ABCC10: variants seen among roughly 807,000 people sequenced by gnomAD.
ABCC10 encodes the protein ATP-binding cassette sub-family C member 10.
A neutral mutation model predicts 143.2 loss-of-function variants in ABCC10; 110 were observed. The observed-to-expected ratio is 0.77, with a 90% CI of 0.66 to 0.90. The LOEUF (loss-of-function observed/expected upper bound fraction) is 0.90. Among genes scored for constraint, ABCC10 ranks in the 40% least tolerant of loss-of-function variants. The probability of loss-of-function intolerance (pLI) is 0.00; values close to 1 mark genes in which losing one functional copy is unlikely to be tolerated. For missense variants in ABCC10, 1,700 were observed against 1,900.5 expected, an observed-to-expected ratio of 0.89 and a Z score of 1.96; for synonymous variants, 805 against 846.7, an observed-to-expected ratio of 0.95 and a Z score of 0.85.
chr6:43,434,502 C>T, intron 3 of ABCC10, 119 bp from the exon 4 acceptor site: 2 of 895,716 alleles, frequency 2.2e-6, no homozygotes, highest in East Asian at 2.4e-5. Flanking sequence ...TAGGGCAGTG[C>T]AGAGTATCTG....
At chr6:43,447,446 A>G in intron 17 of ABCC10, 38 bp downstream of exon 17, 5 of 1,602,662 alleles carry the variant, frequency 3.1e-6, no homozygotes, top group Non-Finnish European at 4.3e-6. Flanking sequence ...AAGCTCTGGA[A>G]CCCTGAAGGC....
Position 43,447,888 on chromosome 6 carries a change from G to A in ABCC10, c.3910G>A (p.Val1304Met), listed in dbSNP as rs772520536. Residue 1304 changes from valine (V) to methionine (M), a missense_variant, in exon 18 of 22, where the codon GTG (valine) becomes ATG (methionine). By Grantham distance (21) the Val-to-Met change is conservative. Coordinates refer to ENST00000372530, the MANE Select transcript of ABCC10 (RefSeq NM_001198934.2). ...GCTGCTAGAGCCCAGTTCAGGGCGA[G>A]TGCTGCTGGACGGCGTGGACACCAG... ...FRLLEPSSGR[V>M]LLDGVDTSQL... is the part of the protein sequence containing the mutation. The A allele has an allele frequency of 1.9e-6, 3 of 1,613,842 alleles. No individual in the cohort carries two copies. In the African/African-American group the frequency reaches 4.0e-5, roughly 22 times the overall value.
chr6:43,443,564 C>T lies in ABCC10; in HGVS notation c.2417-369C>T, dbSNP rs1311337808. 2.2e-5 allele frequency: 6 copies of T among 275,880 alleles called. No homozygotes were observed. Among genetic ancestry groups the T allele is most frequent in the Non-Finnish European group, 4.1e-5 (6 of 146,404 alleles). 17.1% of individuals were successfully genotyped at this position (275,880 alleles called of 1,614,324 possible). A position where few individuals can be genotyped will look rare whatever the true frequency, so the allele number is the denominator to read the frequency against. ...GGGAGAGAAATAGGAGGAAATGAAG[C>T]TCCAGCCAGATATTAGGAATTGAGC... is the stretch of plus-strand genomic sequence containing the variant. On this transcript the variant is annotated intron_variant, in intron 10 of 21. Coordinates refer to ENST00000372530, the MANE Select transcript of ABCC10 (RefSeq NM_001198934.2). The surrounding 1 kb of genome is among the most constrained non-coding windows in gnomAD (Gnocchi z 4.2).
rs1463636405 is a variant in ABCC10, at chr6:43,437,956, G to A, written c.1898G>A (p.Gly633Glu). ...VKKGMLVGIVGKVGCGKSSLL... is the reference protein window; with the variant it reads ...VKKGMLVGIVEKVGCGKSSLL... Reference sequence around the variant, plus strand: ...CAGGGTATGCTGGTGGGCATCGTGGGGAAGGTCGGCTGTGGGAAGAGCTCC... The same window carrying A: ...CAGGGTATGCTGGTGGGCATCGTGGAGAAGGTCGGCTGTGGGAAGAGCTCC... The change falls in exon 7 of 22, where the codon GGG becomes GAG. Residue 633 changes from glycine (G) to glutamate (E), a missense_variant. By Grantham distance (98) the Gly-to-Glu change is moderately conservative. Transcript: ENST00000372530. The A allele has an allele frequency of 6.2e-7, 1 of 1,613,380 alleles. No homozygotes were observed. Among genetic ancestry groups the A allele is most frequent in the East Asian group, 2.2e-5 (1 of 44,878 alleles).
intron 2 of ABCC10, among the ~76,000 whole-genome samples, chr6:43,429,191 G>T (rs1473491184): frequency 1.3e-5 from 2 of 152,190 alleles, no homozygotes; most frequent in African/African-American, 4.8e-5. Flanking sequence ...CACCATACTG[G>T]TGAGGAAAGT....
chr6:43,444,364 G>T lies in ABCC10; in HGVS notation c.2689+11G>T. 1 of 1,591,048 alleles carries T rather than the reference G, an allele frequency of 6.3e-7. No homozygotes were observed. The highest frequency in any genetic ancestry group is 8.5e-7 in the Non-Finnish European group (1 of 1,169,904). ...TGCTTCTCATGCAAGGTGAGAGCGT[G>T]CCTGGGAGTCTCTTACATCGTAACG... is the stretch of plus-strand genomic sequence containing the variant. On this transcript the variant is annotated intron_variant, in intron 12 of 21. Coordinates refer to ENST00000372530, the MANE Select transcript of ABCC10 (RefSeq NM_001198934.2).
Position 43,444,212 on chromosome 6 carries a change from G to A in ABCC10, c.2548G>A (p.Glu850Lys). ...GAAAACAAAGGAGGGGCTGGAGGAG[G>A]AGCAGAGCACATCTGGTCGCCTGCT... is the stretch of plus-strand genomic sequence containing the variant. ...PEKTKEGLEE[E>K]QSTSGRLLQE... Residue 850 changes from glutamate to lysine, a missense_variant, in exon 12 of 22, where the codon GAG becomes AAG. Coordinates refer to ENST00000372530, the MANE Select transcript of ABCC10 (RefSeq NM_001198934.2). 3 of 1,614,144 alleles carry A rather than the reference G, an allele frequency of 1.9e-6. No homozygotes were observed. The highest frequency in any genetic ancestry group is 2.5e-6 in the Non-Finnish European group (3 of 1,180,010).
rs1783375339 is a variant in ABCC10 at position 43,448,451 on chromosome 6, C to T, written c.3960-430C>T. 1.3e-5 allele frequency among the ~76,000 whole-genome samples: 2 copies of T among 152,184 alleles called. 1 individual carries two copies. The highest frequency in any genetic ancestry group is 1.3e-4 in the Admixed American group (2 of 15,284). On this transcript the variant is annotated intron_variant, in intron 18 of 21. Coordinates refer to ENST00000372530, the MANE Select transcript of ABCC10 (RefSeq NM_001198934.2). ...TGCCTTCTCTTCTAAGCTGTGGTGG[C>T]CCTACCTTATAGCTCCATCATGTCT...
intron 3 of ABCC10, 38 bp from the exon 4 acceptor site, chr6:43,434,583 C>A: frequency 6.4e-7 from 1 of 1,569,544 alleles, no homozygotes; most frequent in African/African-American, 1.3e-5. Context: ...ATGAGCAGTG[C>A]CTCCACTTCA....
rs1245240987 is a variant in ABCC10, at chr6:43,434,783, GT to G, written c.1545del (p.Val516SerfsTer42). On this transcript the variant is annotated frameshift_variant, in exon 4 of 22. Transcript: ENST00000372530. LOFTEE classifies it high-confidence loss of function. The stretch of plus-strand genomic sequence containing the variant: ...TGTATACCTGTGGGCTGCCCTACCG[GT>G]TGTCATCTCCATCGTTATCTTCATC... ...ACVYLWAALP[V>X]VISIVIFITY... The G allele has an allele frequency of 6.2e-7, 1 of 1,614,188 alleles. No homozygotes were observed. The highest frequency in any genetic ancestry group is 1.7e-5 in the Admixed American group (1 of 60,020).
At chr6:43,451,798 T>G, downstream of ABCC10, 1 of 1,426,042 alleles carries the variant, frequency 7.0e-7, no homozygotes, top group Non-Finnish European at 9.2e-7. The surrounding 1 kb of genome is among the most constrained non-coding windows in gnomAD (Gnocchi z 4.4). Context: ...AGGAACACTT[T>G]GGCATGCAGG....
chr6:43,445,179 T>G lies in ABCC10; in HGVS notation c.2895T>G (p.Arg965=). ...CCCCCAATGGCTCCTCAGACATCCG[T>G]TTCTACCTCACCGTGTATGCGACCA... ...KAAPNGSSDI[R]FYLTVYATIA... is the part of the protein sequence containing the mutation. Residue 965 remains arginine, a synonymous_variant, in exon 14 of 22, where the codon CGT becomes CGG. Coordinates refer to ENST00000372530, the MANE Select transcript of ABCC10 (RefSeq NM_001198934.2). 6.2e-7 allele frequency: 1 copy of G among 1,614,036 alleles called. No individual in the cohort carries two copies. The highest frequency in any genetic ancestry group is 8.5e-7 in the Non-Finnish European group (1 of 1,179,952).
chr6:43,441,726 A>G (rs1157950419), intron 8 of ABCC10, 136 bp from the exon 9 acceptor site: 3 of 622,958 alleles, frequency 4.8e-6, no homozygotes. Context: ...TCCTCTGACT[A>G]GCTCACCCCA....
At chr6:43,436,349 G>A (rs1781723817) in intron 6 of ABCC10, 102 bp downstream of exon 6, 1 of 1,406,906 alleles carries the variant, frequency 7.1e-7, no homozygotes, top group Non-Finnish European at 9.8e-7. Flanking sequence ...TGATGGCTCT[G>A]CAGCTCTAAT....
chr6:43,450,454 C>G, downstream of ABCC10: 1 of 1,454,978 alleles, frequency 6.9e-7, no homozygotes, highest in South Asian at 1.4e-5. This position sits in a 1 kb window ranked among gnomAD's most constrained non-coding sequence, Gnocchi z 4.5. Flanking sequence ...GTGTGTGTAC[C>G]CAAGCTGAAG....
chr6:43,450,003 C>A lies in ABCC10; in HGVS notation c.4391C>A (p.Ala1464Asp). 6.2e-7 allele frequency: 1 copy of A among 1,613,696 alleles called. No homozygotes were observed. Among genetic ancestry groups the A allele is most frequent in the South Asian group, 1.1e-5 (1 of 91,042 alleles). The change falls in exon 22 of 22, where the codon GCC (alanine) becomes GAC (aspartate). Residue 1464 changes from alanine (A) to aspartate (D), a missense_variant. Transcript: ENST00000372530. The surrounding 1 kb of genome is among the most constrained non-coding windows in gnomAD (Gnocchi z 4.5). ...AGRVVELDSP[A>D]TLRNQPHSLF... ...AGAGTGGTAGAGCTGGACTCCCCGG[C>A]CACCCTGCGCAACCAGCCCCACTCC... is the stretch of plus-strand genomic sequence containing the variant.
At position 43,443,515 on chromosome 6, in the gene ABCC10, G is replaced by T. The variant is rs1782701089; in HGVS notation, c.2416+356G>T. ...ACTCTGAAAGATTTTTATGCAGAGG[G>T]ATGTGACCACCTGCAAGTTTACTGG... On this transcript the variant is annotated intron_variant, in intron 10 of 21. Transcript: ENST00000372530. The surrounding 1 kb of genome is among the most constrained non-coding windows in gnomAD (Gnocchi z 4.2). The T allele has an allele frequency of 7.0e-6, 2 of 284,170 alleles. No individual in the cohort carries two copies. Among genetic ancestry groups the T allele is most frequent in the African/African-American group, 2.2e-5 (1 of 46,282 alleles). The allele number at this position is 284,170 out of a possible 1,614,324, so 17.6% of individuals were successfully genotyped here.
Position 43,433,365 on chromosome 6 carries a change from G to A in ABCC10, c.1380+5G>A. 2 of 1,600,124 alleles carry A rather than the reference G, an allele frequency of 1.2e-6. No individual in the cohort carries two copies. Among genetic ancestry groups the A allele is most frequent in the Non-Finnish European group, 1.7e-6 (2 of 1,170,620 alleles). ...CACAAGGATGCGCGGGTTAAGGTGA[G>A]CGGGTACTTGGGGTCCCTCAGCTAT... On this transcript the variant is annotated splice_donor_5th_base_variant and intron_variant, in intron 3 of 21. Transcript: ENST00000372530.
At position 43,443,020 on chromosome 6, in the gene ABCC10, T is replaced by C; in HGVS notation, c.2277T>C (p.Asp759=). Residue 759 remains aspartate (D), a synonymous_variant, in exon 10 of 22, where the codon GAT becomes GAC. Coordinates refer to ENST00000372530, the MANE Select transcript of ABCC10 (RefSeq NM_001198934.2). The surrounding 1 kb of genome is among the most constrained non-coding windows in gnomAD (Gnocchi z 4.2). The part of the protein sequence containing the change: ...LDDPLAAVDA[D]VANHLLHRCI... ...ACCCTCTGGCCGCTGTGGATGCAGA[T>C]GTGGCCAACCACCTGCTGCACAGGT... The C allele has an allele frequency of 6.2e-7, 1 of 1,612,050 alleles. No homozygotes were observed. The highest frequency in any genetic ancestry group is 8.5e-7 in the Non-Finnish European group (1 of 1,179,342).
Sources: allele counts gnomAD v4.1 joint callset (sites outside exome capture counted in the v4.1 genomes callset), GRCh38; gene constraint gnomAD v4.1.1; non-coding constraint Gnocchi (gnomAD v3.1); transcripts MANE v1.5; gene names NCBI Gene and HGNC (gene_info 2026-07-23, HGNC 2026-07-21).